Variants in ZNF439 observed in about 807,000 individuals in gnomAD.
ZNF439 encodes the protein zinc finger protein 439.
In ZNF439, 40 loss-of-function variants were observed where a neutral mutation model predicts 47.3. The ratio of observed to expected loss-of-function variants is 0.85; its 90% CI spans 0.66 to 1.10. The LOEUF is 1.10. ZNF439 is among the 50% of genes least tolerant of loss of function. The pLI is 0.00. For missense variants in ZNF439, 556 were observed against 601.1 expected (o/e 0.93, Z 0.78); for synonymous variants, 171 against 198.8 (o/e 0.86, Z 1.18).
chr19:11,852,597 C>T (rs1976278839), intron 1 of ZNF439, among the ~76,000 whole-genome samples: 1 of 152,194 alleles, frequency 6.6e-6, no homozygotes, highest in Non-Finnish European at 1.5e-5. Flanking sequence ...GCAGCCTCCA[C>T]CTCCTAGGTT....
intron 1 of ZNF439, 59 bp downstream of exon 1, chr19:11,848,989 C>G: frequency 6.8e-7 from 1 of 1,464,474 alleles, no homozygotes; most frequent in Non-Finnish European, 9.2e-7. Flanking sequence ...ACTGGCGGGA[C>G]CCGGGCCTCC....
intron 1 of ZNF439, among the ~76,000 whole-genome samples, chr19:11,860,442 C>CTT (rs893596400): frequency 6.6e-6 from 1 of 152,058 alleles, no homozygotes; most frequent in Non-Finnish European, 1.5e-5. Flanking sequence ...AGGGCACTGA[C>CTT]TTTATATCAG....
At chr19:11,860,851 T>C (rs1054323251) in intron 1 of ZNF439, among the ~76,000 whole-genome samples, 4 of 152,218 alleles carry the variant, frequency 2.6e-5, no homozygotes, top group South Asian at 2.1e-4. Context: ...TTGTCCTCAG[T>C]GTACCTTCTG....
chr19:11,857,236 G>GGA (rs1225335363), intron 1 of ZNF439: 1 of 152,174 alleles, frequency 6.6e-6, no homozygotes, highest in Admixed American at 6.5e-5. Context: ...TTTGTCCGAT[G>GGA]GAGAGTGGTT....
chr19:11,852,852 A>G (rs1252049471), intron 1 of ZNF439, among the ~76,000 whole-genome samples: 4 of 151,942 alleles, frequency 2.6e-5, no homozygotes, highest in African/African-American at 9.7e-5. Flanking sequence ...GAAAATTTCT[A>G]GTTATGTAAT....
intron 1 of ZNF439, among the ~76,000 whole-genome samples, chr19:11,859,391 A>G (rs887735044): frequency 6.6e-6 from 1 of 152,160 alleles, no homozygotes; most frequent in Admixed American, 6.5e-5. Flanking sequence ...TAATGTCTCT[A>G]TGTCCAGTAG....
rs115733157 is a variant in ZNF439, at chr19:11,861,019, C to T, written c.64-5186C>T. On this transcript the variant is annotated intron_variant, in intron 1 of 3. Coordinates refer to ENST00000682736, the MANE Select transcript of ZNF439 (RefSeq NM_001348719.2). ...GGACCTTAGGACACTACACACGGTT[C>T]GGCCTCATTGCTTCTTATTTAAATT... 5.5e-3 allele frequency among the ~76,000 whole-genome samples: 842 copies of T among 152,262 alleles called. 10 individuals carry two copies. The highest frequency in any genetic ancestry group is 0.02 in the African/African-American group (811 of 41,542).
rs1009535670 is a variant in ZNF439, at chr19:11,868,339, A to G, written c.1285A>G (p.Asn429Asp). The G allele has an allele frequency of 3.1e-6, 5 of 1,602,086 alleles. No individual in the cohort carries two copies. Among genetic ancestry groups the G allele is most frequent in the African/African-American group, 1.3e-5 (1 of 74,654 alleles). ...QCGKAFRSAP[N>D]LQLHGRTHTG... ...TGGGAAAGCCTTCAGATCTGCCCCA[A>G]ATCTTCAATTGCATGGTAGGACTCA... Residue 429 changes from asparagine to aspartate, a missense_variant, in exon 4 of 4, where the codon AAT becomes GAT. Physicochemically the swap from Asn to Asp is conservative, Grantham distance 23 (BLOSUM62 1). Transcript: ENST00000682736.
At position 11,866,592 on chromosome 19, in the gene ZNF439, C is replaced by A. The variant is rs138184942; in HGVS notation, c.246C>A (p.Asn82Lys). 1.5e-5 allele frequency: 24 copies of A among 1,613,142 alleles called. No homozygotes were observed. In the African/African-American group the frequency reaches 3.2e-4, roughly 22 times the overall value. Residue 82 changes from asparagine (N) to lysine (K), a missense_variant, in exon 3 of 4, where the codon AAC becomes AAA. Physicochemically the swap from Asn to Lys is moderately conservative, Grantham distance 94. Coordinates refer to ENST00000682736, the MANE Select transcript of ZNF439 (RefSeq NM_001348719.2). ...ATGAGTACCAAAACCCCAGGAGAAA[C>A]TTCAGGTAATTTGCACTTATAAGAG... ...IEYEYQNPRRNFRSVTEEKVN... is the reference protein window; with the variant it reads ...IEYEYQNPRRKFRSVTEEKVN...
chr19:11,850,249 T>A (rs944199426), intron 1 of ZNF439: 5 of 152,156 alleles, frequency 3.3e-5, no homozygotes, highest in Admixed American at 6.5e-5. Flanking sequence ...AATTGTTGTA[T>A]TTTTAGTAGA....
At chr19:11,859,772 G>A (rs1976490681) in intron 1 of ZNF439, among the ~76,000 whole-genome samples, 1 of 152,136 alleles carries the variant, frequency 6.6e-6, no homozygotes, top group African/African-American at 2.4e-5. Flanking sequence ...ACCGAAGGAG[G>A]CAGTACAGAT....
Position 11,867,680 on chromosome 19 carries a change from A to G in ZNF439, c.626A>G (p.His209Arg). The change falls in exon 4 of 4, where the codon CAC (histidine) becomes CGC (arginine). Residue 209 changes from histidine to arginine, a missense_variant. Transcript: ENST00000682736. ...NIIYHSSIQR[H>R]MVVHSGDGPY... ...ATTTACCATTCAAGCATTCAAAGAC[A>G]CATGGTAGTGCACAGTGGGGATGGA... 6.2e-7 allele frequency: 1 copy of G among 1,614,176 alleles called. No homozygotes were observed. The highest frequency in any genetic ancestry group is 8.5e-7 in the Non-Finnish European group (1 of 1,180,012).
rs748808041 is a variant in ZNF439, at chr19:11,867,704, G to GT, written c.650_651insT (p.Pro218ThrfsTer3). On this transcript the variant is annotated frameshift_variant, in exon 4 of 4. Coordinates refer to ENST00000682736, the MANE Select transcript of ZNF439 (RefSeq NM_001348719.2). LOFTEE classifies it high-confidence loss of function. Reference sequence around the variant, plus strand: ...CACATGGTAGTGCACAGTGGGGATGGACCTTATAAATGTAAGTTTTGTGGG... The same window carrying GT: ...CACATGGTAGTGCACAGTGGGGATGGTACCTTATAAATGTAAGTTTTGTGGG... The GT allele has an allele frequency of 6.9e-5, 112 of 1,614,072 alleles. No homozygotes were observed. The highest frequency in any genetic ancestry group is 3.3e-4 in the Middle Eastern group (2 of 6,084).
At chr19:11,854,756 C>CAA (rs1007150313) in intron 1 of ZNF439, among the ~76,000 whole-genome samples, 1 of 131,694 alleles carries the variant, frequency 7.6e-6, no homozygotes, top group Non-Finnish European at 1.6e-5. Context: ...GGCTCTGTCT[C>CAA]AAAAAAAAAA....
intron 1 of ZNF439, 176 bp from the exon 2 acceptor site, chr19:11,866,029 A>C: frequency 6.8e-7 from 1 of 1,459,980 alleles, no homozygotes; most frequent in Non-Finnish European, 9.0e-7. Flanking sequence ...AAAATAAAAA[A>C]AAAAATTGCT....
At chr19:11,851,892 C>G (rs1277556917) in intron 1 of ZNF439, among the ~76,000 whole-genome samples, 1 of 152,172 alleles carries the variant, frequency 6.6e-6, no homozygotes, top group African/African-American at 2.4e-5. Flanking sequence ...AAACAGTCCT[C>G]CTTCTTTGGC....
At chr19:11,861,527 TTC>T (rs1464703819) in intron 1 of ZNF439, among the ~76,000 whole-genome samples, 4 of 152,216 alleles carry the variant, frequency 2.6e-5, no homozygotes, top group African/African-American at 7.2e-5. Flanking sequence ...AGATAACCAA[TTC>T]TCTGAGTTCT....
intron 3 of ZNF439, among the ~76,000 whole-genome samples, chr19:11,866,894 G>T (rs1301920795): frequency 6.6e-6 from 1 of 152,090 alleles, no homozygotes; most frequent in Non-Finnish European, 1.5e-5. Flanking sequence ...GGGCATTGTG[G>T]TATGCATCCG....
chr19:11,868,812 C>T lies in ZNF439; in HGVS notation c.*243C>T. The T allele has an allele frequency of 3.4e-6, 2 of 592,178 alleles. No individual in the cohort carries two copies. The highest frequency in any genetic ancestry group is 6.2e-6 in the Non-Finnish European group (2 of 324,368). The allele number at this position is 592,178 out of a possible 1,614,324, so 36.7% of individuals were successfully genotyped here. ...TGAAAGGACACACACTGGAGAGAAA[C>T]CCTATGAATGTAAGAAATGTGGAAA... On this transcript the variant is annotated 3_prime_UTR_variant, in exon 4 of 4. Transcript: ENST00000682736.
Sources: gnomAD v4.1 joint callset for allele counts (sites outside exome capture counted in the v4.1 genomes callset) on GRCh38, gnomAD v4.1.1 for gene constraint, MANE v1.5 for transcripts, NCBI Gene and HGNC (gene_info 2026-07-23, HGNC 2026-07-21) for gene names.